Variants in DPP10 observed in about 807,000 individuals in gnomAD.
DPP10 encodes the protein dipeptidyl peptidase like 10.
DPP10 carries 33 observed loss-of-function variants against 120.9 expected under a neutral mutation model. That is an observed-to-expected ratio of 0.27 (90% CI 0.21 to 0.37). DPP10 has a LOEUF of 0.37. Among genes scored for constraint, DPP10 ranks in the 10% least tolerant of loss-of-function variants. The pLI is 1.00. For missense variants in DPP10, 816 were observed against 942.8 expected, an observed-to-expected ratio of 0.87 and a Z score of 1.76; for synonymous variants, 337 against 326.1, an observed-to-expected ratio of 1.03 and a Z score of -0.36.
chr2:114,738,334 GC>G (rs1422509206), intron 1 of DPP10, among the ~76,000 whole-genome samples: 1 of 152,222 alleles, frequency 6.6e-6, no homozygotes, highest in Non-Finnish European at 1.5e-5. Flanking sequence ...TCGGGCATGA[GC>G]AGGCTGTCTG....
chr2:114,511,966 A>G lies in DPP10; in HGVS notation c.60+69128A>G, dbSNP rs61009017. Among the ~76,000 whole-genome samples, 88 of 152,314 alleles carry G rather than the reference A, an allele frequency of 5.8e-4. No homozygotes were observed. In the East Asian group the frequency reaches 0.016, roughly 28 times the overall value. ...TTGCTAGAAAATGTTATATTCCAGC[A>G]TCTACCTTTAAAGGCAACTATCAAA... On this transcript the variant is annotated intron_variant, in intron 1 of 25. Transcript: ENST00000410059.
intron 1 of DPP10, among the ~76,000 whole-genome samples, chr2:115,010,298 A>G (rs1702169966): frequency 1.3e-5 from 2 of 152,184 alleles, no homozygotes; most frequent in Non-Finnish European, 2.9e-5. Flanking sequence ...CCAGTCACAT[A>G]TTGTTTGCGA....
chr2:115,176,535 A>G (rs1012596283), intron 1 of DPP10, among the ~76,000 whole-genome samples: 1 of 152,102 alleles, frequency 6.6e-6, no homozygotes. Context: ...ACAGTCATAC[A>G]TATTATAATA....
intron 4 of DPP10, among the ~76,000 whole-genome samples, chr2:115,507,933 A>G (rs1262324758): frequency 6.6e-6 from 1 of 152,096 alleles, no homozygotes; most frequent in Non-Finnish European, 1.5e-5. Flanking sequence ...TTGCTTGGAG[A>G]TAAAATGGGT....
At chr2:115,207,645 G>T (rs1310643354) in intron 1 of DPP10, among the ~76,000 whole-genome samples, 1 of 152,166 alleles carries the variant, frequency 6.6e-6, no homozygotes, top group Non-Finnish European at 1.5e-5. Context: ...TGATGCCACA[G>T]AGGGAAACTC....
intron 1 of DPP10, among the ~76,000 whole-genome samples, chr2:115,214,412 A>G (rs1452270991): frequency 6.6e-6 from 1 of 152,220 alleles, no homozygotes; most frequent in Non-Finnish European, 1.5e-5. Context: ...ACATGGTATG[A>G]AATTGTTAAA....
At chr2:114,839,489 C>T (rs1361890403) in intron 1 of DPP10, among the ~76,000 whole-genome samples, 2 of 152,062 alleles carry the variant, frequency 1.3e-5, no homozygotes, top group Non-Finnish European at 2.9e-5. Context: ...ATAATTACTG[C>T]CTATTGGGAG....
At chr2:115,492,168 C>T (rs1303572658) in intron 3 of DPP10, among the ~76,000 whole-genome samples, 2 of 152,064 alleles carry the variant, frequency 1.3e-5, no homozygotes, top group Non-Finnish European at 2.9e-5. Flanking sequence ...CTGGATGGGG[C>T]TGTAGTACAT....
chr2:114,866,856 C>T (rs572137144), intron 1 of DPP10, among the ~76,000 whole-genome samples: 1 of 152,294 alleles, frequency 6.6e-6, no homozygotes, highest in African/African-American at 2.4e-5. Flanking sequence ...AGAACCCCCT[C>T]AAGTATATCT....
intron 5 of DPP10, among the ~76,000 whole-genome samples, chr2:115,646,804 C>T (rs1391406893): frequency 6.6e-6 from 1 of 152,028 alleles, no homozygotes. Flanking sequence ...TGAATTGTAC[C>T]ACTATTAAGT....
chr2:114,734,294 GCT>G (rs976953739), intron 1 of DPP10, among the ~76,000 whole-genome samples: 2 of 150,982 alleles, frequency 1.3e-5, no homozygotes, highest in Non-Finnish European at 1.5e-5. Flanking sequence ...TTTGCAACCT[GCT>G]CTCTCTCTCT....
chr2:114,701,528 A>G (rs1700382512), intron 1 of DPP10, among the ~76,000 whole-genome samples: 1 of 152,146 alleles, frequency 6.6e-6, no homozygotes, highest in Non-Finnish European at 1.5e-5. Flanking sequence ...ATAATCTTGC[A>G]AGGTAGAAAT....
chr2:114,719,417 G>A (rs1418672937), intron 1 of DPP10, among the ~76,000 whole-genome samples: 1 of 152,124 alleles, frequency 6.6e-6, no homozygotes, highest in Non-Finnish European at 1.5e-5. Flanking sequence ...CATTTCTGTG[G>A]TAAGTTGCTC....
At position 114,614,398 on chromosome 2, in the gene DPP10, G is replaced by A. The variant is rs530633240; in HGVS notation, c.60+171560G>A. ...CTCTAATCCAAATTCCTAATGCTTG[G>A]TCTTTCTTTTTAAACAAAGAACTTG... On this transcript the variant is annotated intron_variant, in intron 1 of 25. Coordinates refer to ENST00000410059, the MANE Select transcript of DPP10 (RefSeq NM_020868.6). Among the ~76,000 whole-genome samples, 10 of 152,084 alleles carry A rather than the reference G, an allele frequency of 6.6e-5. No individual in the cohort carries two copies. In the East Asian group the frequency reaches 1.9e-3, roughly 29 times the overall value.
At chr2:115,409,897 T>G (rs910270771) in intron 3 of DPP10, among the ~76,000 whole-genome samples, 2 of 152,206 alleles carry the variant, frequency 1.3e-5, no homozygotes, top group African/African-American at 4.8e-5. Context: ...CTATTCTAAG[T>G]GAAGTAACTC....
intron 1 of DPP10, among the ~76,000 whole-genome samples, chr2:114,752,694 C>T (rs1230987527): frequency 6.6e-6 from 1 of 152,174 alleles, no homozygotes; most frequent in African/African-American, 2.4e-5. Flanking sequence ...GGCCAGAGAA[C>T]TTGTGTTTCT....
At chr2:115,762,435 G>T in intron 11 of DPP10, 137 bp from the exon 12 acceptor site, 1 of 782,484 alleles carries the variant, frequency 1.3e-6, no homozygotes, top group Non-Finnish European at 2.2e-6. Flanking sequence ...AATCAATAAT[G>T]ACAATGAAAT....
intron 1 of DPP10, among the ~76,000 whole-genome samples, chr2:114,740,413 C>G (rs11123251): frequency 4.8e-5 from 7 of 145,154 alleles, no homozygotes; most frequent in African/African-American, 1.0e-4. Flanking sequence ...TGCTAAATGA[C>G]GAGTTAATGG....
chr2:115,246,514 G>A lies in DPP10; in HGVS notation c.61-62725G>A, dbSNP rs77897689. Among the ~76,000 whole-genome samples the A allele has an allele frequency of 7.9e-3, 1,197 of 152,250 alleles. 13 individuals are homozygous for A. Among genetic ancestry groups the A allele is most frequent in the African/African-American group, 0.028 (1,156 of 41,558 alleles). ...AACTGAATGATCAGTGTGAACAAAT[G>A]TATGGGCCGTAAGTGGCCTCACAGA... On this transcript the variant is annotated intron_variant, in intron 1 of 25. Transcript: ENST00000410059.
Sources: allele counts gnomAD v4.1 joint callset (sites outside exome capture counted in the v4.1 genomes callset), GRCh38; gene constraint gnomAD v4.1.1; transcripts MANE v1.5; gene names NCBI Gene and HGNC (gene_info 2026-07-23, HGNC 2026-07-21).